The following DNAJC6 variants were observed in gnomAD, a reference collection of about 807,000 sequenced individuals.
DNAJC6 encodes DnaJ heat shock protein family (Hsp40) member C6.
DNAJC6 carries 34 observed loss-of-function variants against 110.0 expected under a neutral mutation model. The ratio of observed to expected loss-of-function variants is 0.31; its 90% CI spans 0.24 to 0.41. The LOEUF (loss-of-function observed/expected upper bound fraction) is 0.41, where lower values mean the gene tolerates loss of function less well. Among genes scored for constraint, DNAJC6 ranks in the 10% least tolerant of loss-of-function variants. The probability of loss-of-function intolerance (pLI) is 1.00; values close to 1 mark genes in which losing one functional copy is unlikely to be tolerated. For synonymous variants in DNAJC6, 406 were observed against 437.2 expected (o/e 0.93, Z 0.89); for missense variants, 1,031 against 1,207.8 (o/e 0.85, Z 2.17).
At chr1:65,308,239 A>C (rs1301749238), upstream of DNAJC6, among the ~76,000 whole-genome samples, 1 of 152,224 alleles carries the variant, frequency 6.6e-6, no homozygotes, top group Non-Finnish European at 1.5e-5. Context: ...ATGAGAAGAA[A>C]GCAAAGCTGG....
At position 65,345,229 on chromosome 1, in the gene DNAJC6, CGTGTGT is replaced by C. The variant is rs55934054; in HGVS notation, c.194-19373_194-19368del. Among the ~76,000 whole-genome samples, 592 of 143,908 alleles carry C rather than the reference CGTGTGT, an allele frequency of 4.1e-3. 5 individuals carry two copies. Among genetic ancestry groups the C allele is most frequent in the African/African-American group, 0.011 (414 of 38,876 alleles). 94.4% of individuals were successfully genotyped at this position (143,908 alleles called of 152,430 possible). On this transcript the variant is annotated intron_variant, in intron 1 of 18. Transcript: ENST00000371069. ...ACCATTTTTGTGCTTCTCTCCCTTT[CGTGTGT>C]GTGTGTGTGTGTGTGTGTGTGTGTG...
At chr1:65,280,964 C>T (rs116152742) in intron 1 of DNAJC6, among the ~76,000 whole-genome samples, 2,162 of 152,260 alleles carry the variant, frequency 0.014, 48 homozygotes, top group African/African-American at 0.05. Context: ...TAGACAGGGT[C>T]ATGCTCTATC....
At position 65,339,284 on chromosome 1, in the gene DNAJC6, A is replaced by G. The variant is rs998764358; in HGVS notation, c.194-25351A>G. On this transcript the variant is annotated intron_variant, in intron 1 of 18. Transcript: ENST00000371069. Reference sequence around the variant, plus strand: ...GCTTATCTAAAGAAACAGCTAATAAATTGCTGGAGTACGAACCCGAATCTT... The same window carrying G: ...GCTTATCTAAAGAAACAGCTAATAAGTTGCTGGAGTACGAACCCGAATCTT... 2.0e-5 allele frequency among the ~76,000 whole-genome samples: 3 copies of G among 152,180 alleles called. No individual in the cohort carries two copies. The South Asian group carries it at 6.2e-4, about 32-fold the overall frequency.
rs150673165 is a variant in DNAJC6, at chr1:65,330,272, G to A, written c.193+20334G>A. On this transcript the variant is annotated intron_variant, in intron 1 of 18. Coordinates refer to ENST00000371069, the MANE Select transcript of DNAJC6 (RefSeq NM_001256864.2). ...GGTTGATTGCATGGAGTTCAACAGA[G>A]GATGTTTAATTCTGCAAACAATGAT... 5.3e-4 allele frequency among the ~76,000 whole-genome samples: 80 copies of A among 152,268 alleles called. No individual in the cohort carries two copies. The East Asian group carries it at 0.013, about 25-fold the overall frequency.
chr1:65,394,988 A>T lies in DNAJC6; in HGVS notation c.1994A>T (p.Asp665Val). The T allele has an allele frequency of 4.3e-6, 7 of 1,612,292 alleles. No homozygotes were observed. Among genetic ancestry groups the T allele is most frequent in the Non-Finnish European group, 5.9e-6 (7 of 1,179,414 alleles). ...CTGAACACATCCAGTGCTTCCAGTG[A>T]CCCCTTTCTCCAGCCAACAAGAAGT... The part of the protein sequence containing the change: ...SFLNTSSASS[D>V]PFLQPTRSPS... Residue 665 changes from aspartate (D) to valine (V), a missense_variant, in exon 13 of 19, where the codon GAC becomes GTC. Physicochemically the swap from Asp to Val is radical, Grantham distance 152. Coordinates refer to ENST00000371069, the MANE Select transcript of DNAJC6 (RefSeq NM_001256864.2).
At chr1:65,273,146 A>G (rs779843314) in intron 1 of DNAJC6, among the ~76,000 whole-genome samples, 16 of 151,792 alleles carry the variant, frequency 1.1e-4, no homozygotes, top group Non-Finnish European at 1.5e-4. Context: ...TTATACATTT[A>G]TTTTTCATCT....
intron 1 of DNAJC6, among the ~76,000 whole-genome samples, chr1:65,265,536 C>G (rs1366478537): frequency 6.6e-6 from 1 of 152,162 alleles, no homozygotes; most frequent in African/African-American, 2.4e-5. Context: ...CACTCTAATT[C>G]TGTTAGAGGG....
chr1:65,301,436 A>T (rs750044034), intron 1 of DNAJC6, among the ~76,000 whole-genome samples: 7 of 152,086 alleles, frequency 4.6e-5, no homozygotes, highest in African/African-American at 1.7e-4. Context: ...ACAGTCCCCA[A>T]AACTGCTCCC....
intron 13 of DNAJC6, among the ~76,000 whole-genome samples, chr1:65,397,755 T>C (rs1645993267): frequency 6.6e-6 from 1 of 152,132 alleles, no homozygotes; most frequent in African/African-American, 2.4e-5. Flanking sequence ...TGTGTAAAAA[T>C]AGAAGGGATA....
chr1:65,317,481 A>G (rs1645158672), intron 1 of DNAJC6, among the ~76,000 whole-genome samples: 1 of 152,258 alleles, frequency 6.6e-6, no homozygotes, highest in African/African-American at 2.4e-5. Flanking sequence ...TTTTATTTCA[A>G]TAACACATCA....
intron 1 of DNAJC6, among the ~76,000 whole-genome samples, chr1:65,340,843 G>A (rs1420762497): frequency 2.6e-5 from 4 of 152,166 alleles, no homozygotes; most frequent in South Asian, 2.1e-4. Flanking sequence ...TTTATCAGAA[G>A]CTACTGAGGG....
chr1:65,300,244 C>T (rs1013482729), intron 1 of DNAJC6, among the ~76,000 whole-genome samples: 5 of 151,882 alleles, frequency 3.3e-5, no homozygotes, highest in East Asian at 1.9e-4. Flanking sequence ...CTCTGGAGCT[C>T]GGGGTTCTTC....
intron 1 of DNAJC6, among the ~76,000 whole-genome samples, chr1:65,339,452 G>A (rs764612022): frequency 6.6e-6 from 1 of 152,214 alleles, no homozygotes; most frequent in African/African-American, 2.4e-5. Flanking sequence ...ACGAATGCAA[G>A]ATAGTAATGG....
chr1:65,287,080 G>A (rs1198990098), intron 1 of DNAJC6, among the ~76,000 whole-genome samples: 1 of 152,178 alleles, frequency 6.6e-6, no homozygotes, highest in Non-Finnish European at 1.5e-5. Flanking sequence ...ATATGAAAAT[G>A]CCTAAGTCAG....
At chr1:65,344,384 G>C (rs1338229644) in intron 1 of DNAJC6, among the ~76,000 whole-genome samples, 1 of 152,172 alleles carries the variant, frequency 6.6e-6, no homozygotes, top group African/African-American at 2.4e-5. Flanking sequence ...ACACCCTTGA[G>C]CATGAAGAAG....
chr1:65,356,791 A>G (rs948382420), intron 1 of DNAJC6, among the ~76,000 whole-genome samples: 6 of 152,014 alleles, frequency 3.9e-5, no homozygotes, highest in Non-Finnish European at 8.8e-5. Context: ...GAGGAGTAAA[A>G]TGACATACTC....
intron 7 of DNAJC6, among the ~76,000 whole-genome samples, chr1:65,386,219 A>T (rs1156388748): frequency 6.6e-6 from 1 of 152,214 alleles, no homozygotes; most frequent in African/African-American, 2.4e-5. Flanking sequence ...GGTGAGGGTA[A>T]TGGAAGAATC....
intron 4 of DNAJC6, among the ~76,000 whole-genome samples, chr1:65,367,834 C>T (rs1645663311): frequency 6.6e-6 from 1 of 150,752 alleles, no homozygotes; most frequent in Non-Finnish European, 1.5e-5. Context: ...TAAACACCTA[C>T]CCTGGGCTGC....
intron 14 of DNAJC6, 100 bp downstream of exon 14, chr1:65,398,981 T>G (rs1039776876): frequency 1.4e-5 from 17 of 1,192,120 alleles, no homozygotes; most frequent in Non-Finnish European, 2.1e-5. Context: ...GGCCTACCTG[T>G]GTAATTTGTG....
Sources: gnomAD v4.1 joint callset for allele counts (sites outside exome capture counted in the v4.1 genomes callset) on GRCh38, gnomAD v4.1.1 for gene constraint, MANE v1.5 for transcripts, NCBI Gene and HGNC (gene_info 2026-07-23, HGNC 2026-07-21) for gene names.